SYT1: variants seen among roughly 807,000 people sequenced by gnomAD.
The protein encoded by SYT1 is synaptotagmin-1.
In SYT1, 8 loss-of-function variants were observed where a neutral mutation model predicts 44.8. That is an observed-to-expected ratio of 0.18 (90% CI 0.10 to 0.32). The LOEUF (loss-of-function observed/expected upper bound fraction) is 0.32. Among genes scored for constraint, SYT1 ranks in the 10% least tolerant of loss-of-function variants. SYT1 has a pLI of 1.00. For synonymous variants in SYT1, 154 were observed against 188.8 expected (o/e 0.82, Z 1.51); for missense variants, 286 against 509.3 (o/e 0.56, Z 4.22).
intron 9 of SYT1, among the ~76,000 whole-genome samples, chr12:79,423,632 T>A (rs994325965): frequency 6.6e-6 from 1 of 152,260 alleles, no homozygotes; most frequent in Non-Finnish European, 1.5e-5. Context: ...AACTGTGGAA[T>A]AGTTCTAAGA....
intron 2 of SYT1, among the ~76,000 whole-genome samples, chr12:79,040,863 C>G (rs1030701255): frequency 6.6e-6 from 1 of 150,566 alleles, no homozygotes; most frequent in Admixed American, 6.6e-5. Context: ...TTTCCCAGCA[C>G]CATTTATTAA....
At chr12:79,283,167 ATTT>A in intron 4 of SYT1, among the ~76,000 whole-genome samples, 1 of 152,220 alleles carries the variant, frequency 6.6e-6, no homozygotes, top group East Asian at 1.9e-4. Flanking sequence ...AACGTTAAGC[ATTT>A]TTTATTTTGT....
At chr12:79,273,585 C>G (rs1592919658) in intron 4 of SYT1, among the ~76,000 whole-genome samples, 1 of 152,170 alleles carries the variant, frequency 6.6e-6, no homozygotes, top group African/African-American at 2.4e-5. Flanking sequence ...CCTGGCAATT[C>G]AGGCCACAGG....
chr12:79,019,870 T>C (rs1469271980), intron 2 of SYT1, among the ~76,000 whole-genome samples: 1 of 147,158 alleles, frequency 6.8e-6, no homozygotes, highest in Non-Finnish European at 1.5e-5. Flanking sequence ...TTTCCTGTGA[T>C]GCAAAAATAC....
At chr12:79,224,142 A>G (rs543680953) in intron 4 of SYT1, among the ~76,000 whole-genome samples, 94 of 151,910 alleles carry the variant, frequency 6.2e-4, no homozygotes, top group African/African-American at 2.3e-3. Context: ...GGAGAGTCCT[A>G]CTCCTCCATC....
chr12:79,084,396 A>G (rs571385984), intron 3 of SYT1, among the ~76,000 whole-genome samples: 1 of 152,254 alleles, frequency 6.6e-6, no homozygotes, highest in East Asian at 1.9e-4. Context: ...GTCTCCAACT[A>G]CCTTACATAA....
intron 3 of SYT1, among the ~76,000 whole-genome samples, chr12:79,071,712 A>G (rs1876289944): frequency 3.3e-5 from 5 of 152,136 alleles, no homozygotes; most frequent in Admixed American, 3.3e-4. Flanking sequence ...TAACTGTGGC[A>G]ACATAACTCT....
chr12:78,915,148 G>T (rs1344391423), intron 1 of SYT1, among the ~76,000 whole-genome samples: 1 of 151,962 alleles, frequency 6.6e-6, no homozygotes, highest in Non-Finnish European at 1.5e-5. Flanking sequence ...TGAACCAGGT[G>T]GACTGGAAGG....
intron 4 of SYT1, among the ~76,000 whole-genome samples, chr12:79,228,283 G>T (rs1156955619): frequency 5.9e-5 from 9 of 151,882 alleles, no homozygotes; most frequent in Admixed American, 5.2e-4. Context: ...ACGTAATCTG[G>T]ACCCTGACAT....
intron 3 of SYT1, among the ~76,000 whole-genome samples, chr12:79,090,129 A>C (rs546175278): frequency 6.6e-6 from 1 of 152,106 alleles, no homozygotes; most frequent in East Asian, 1.9e-4. Context: ...GCTTGCTTTT[A>C]GTCAGTAATA....
chr12:79,193,166 A>G (rs1157415166), intron 3 of SYT1, among the ~76,000 whole-genome samples: 1 of 152,206 alleles, frequency 6.6e-6, no homozygotes, highest in East Asian at 1.9e-4. Context: ...TCTTTATACT[A>G]GGGTTGAGCT....
intron 3 of SYT1, among the ~76,000 whole-genome samples, chr12:79,179,975 A>C (rs529321084): frequency 2.6e-5 from 4 of 152,130 alleles, no homozygotes; most frequent in African/African-American, 7.2e-5. Flanking sequence ...AATCCCTATA[A>C]TTTGATATTT....
chr12:79,297,792 G>T (rs1046187126), intron 7 of SYT1, among the ~76,000 whole-genome samples: 1 of 152,106 alleles, frequency 6.6e-6, no homozygotes, highest in Admixed American at 6.6e-5. Context: ...AGGAATGGAA[G>T]TATAAAAGAC....
chr12:79,259,593 G>A (rs1266018239), intron 4 of SYT1, among the ~76,000 whole-genome samples: 1 of 152,080 alleles, frequency 6.6e-6, no homozygotes, highest in Non-Finnish European at 1.5e-5. Flanking sequence ...TATTAGCCAG[G>A]CATTGTGTCA....
At chr12:79,192,363 A>G (rs527919618) in intron 3 of SYT1, among the ~76,000 whole-genome samples, 1 of 152,268 alleles carries the variant, frequency 6.6e-6, no homozygotes, top group South Asian at 2.1e-4. Flanking sequence ...TTGTTGCCTG[A>G]ATTGACCTAT....
At chr12:79,403,995 A>G (rs1480652246) in intron 9 of SYT1, among the ~76,000 whole-genome samples, 1 of 152,198 alleles carries the variant, frequency 6.6e-6, no homozygotes, top group Non-Finnish European at 1.5e-5. Flanking sequence ...TTTTCATTAA[A>G]TATATCAAGA....
At chr12:78,886,378 A>G (rs1357917041) in intron 1 of SYT1, among the ~76,000 whole-genome samples, 1 of 151,966 alleles carries the variant, frequency 6.6e-6, no homozygotes. Context: ...TTCAATATTT[A>G]CATTTAATTT....
At chr12:78,991,728 C>T (rs1202311838) in intron 2 of SYT1, among the ~76,000 whole-genome samples, 1 of 152,108 alleles carries the variant, frequency 6.6e-6, no homozygotes, top group Non-Finnish European at 1.5e-5. Context: ...TTTCTTTGAA[C>T]TCTTTCTTAG....
At chr12:79,358,405 TA>T (rs1362072585) in intron 9 of SYT1, among the ~76,000 whole-genome samples, 2 of 152,178 alleles carry the variant, frequency 1.3e-5, no homozygotes, top group Non-Finnish European at 2.9e-5. Context: ...AATTTAGAAA[TA>T]TTTTTTAACT....
Sources: allele counts gnomAD v4.1 joint callset (sites outside exome capture counted in the v4.1 genomes callset), GRCh38; gene constraint gnomAD v4.1.1; transcripts MANE v1.5; gene names NCBI Gene and HGNC (gene_info 2026-07-23, HGNC 2026-07-21).